Variants in SHROOM3 observed in about 807,000 individuals in gnomAD.
SHROOM3 encodes the protein shroom family member 3, also known as protein Shroom3.
SHROOM3 carries 47 observed loss-of-function variants against 138.6 expected under a neutral mutation model. The observed-to-expected ratio is 0.34, with a 90% CI of 0.27 to 0.43. The LOEUF (loss-of-function observed/expected upper bound fraction) is 0.43, where lower values mean the gene tolerates loss of function less well. Ranked by LOEUF, SHROOM3 falls within the 20% of genes least tolerant of loss-of-function variation. The probability of loss-of-function intolerance (pLI) is 1.00; values close to 1 mark genes in which losing one functional copy is unlikely to be tolerated. For missense variants in SHROOM3, 2,491 were observed against 2,596.5 expected (o/e 0.96, Z 0.88); for synonymous variants, 1,062 against 1,063.3 (o/e 1.00, Z 0.02).
intron 2 of SHROOM3, among the ~76,000 whole-genome samples, chr4:76,667,563 C>T (rs537257812): frequency 9.2e-5 from 14 of 152,098 alleles, no homozygotes; most frequent in African/African-American, 2.7e-4. Context: ...ATCCTTCCTC[C>T]TCAGCCTCCC....
intron 1 of SHROOM3, among the ~76,000 whole-genome samples, chr4:76,486,027 G>T (rs886849746): frequency 6.6e-6 from 1 of 151,548 alleles, no homozygotes; most frequent in Admixed American, 6.6e-5. Flanking sequence ...TATTTTTTGC[G>T]TTTTTCAATC....
intron 2 of SHROOM3, among the ~76,000 whole-genome samples, chr4:76,670,738 G>C (rs955595188): frequency 6.6e-6 from 1 of 152,114 alleles, no homozygotes; most frequent in African/African-American, 2.4e-5. Flanking sequence ...TGGATCACTT[G>C]AGCTCAGGAA....
chr4:76,738,848 C>T lies in SHROOM3; in HGVS notation c.675C>T (p.Ser225=), dbSNP rs757246509. 1.2e-6 allele frequency: 2 copies of T among 1,614,176 alleles called. No individual in the cohort carries two copies. Among genetic ancestry groups the T allele is most frequent in the Non-Finnish European group, 1.7e-6 (2 of 1,179,974 alleles). ...GCAGCTCCCAGGGGAGCATGGAGAG[C>T]CTGGAGCCCAGTGGGGCATACCCAC... ...DQCSSQGSME[S]LEPSGAYPPC... The change falls in exon 5 of 11, where the codon AGC becomes AGT. Residue 225 remains serine (S), a synonymous_variant. Transcript: ENST00000296043.
chr4:76,609,103 A>G (rs1199611032), intron 2 of SHROOM3, among the ~76,000 whole-genome samples: 3 of 152,242 alleles, frequency 2.0e-5, no homozygotes, highest in African/African-American at 7.2e-5. Context: ...TACAATTAAC[A>G]AGAACACTTC....
At chr4:76,524,104 A>G (rs1299939733) in intron 1 of SHROOM3, among the ~76,000 whole-genome samples, 1 of 152,216 alleles carries the variant, frequency 6.6e-6, no homozygotes, top group Non-Finnish European at 1.5e-5. Flanking sequence ...AAGAGAGTGC[A>G]ATAGTTAGCA....
chr4:76,698,806 T>G (rs1394937906), intron 2 of SHROOM3, among the ~76,000 whole-genome samples: 1 of 152,218 alleles, frequency 6.6e-6, no homozygotes, highest in Non-Finnish European at 1.5e-5. Flanking sequence ...TGAGGAGCCC[T>G]TTCTTTCACA....
intron 2 of SHROOM3, among the ~76,000 whole-genome samples, chr4:76,596,287 C>G (rs1172749069): frequency 6.6e-6 from 1 of 152,106 alleles, no homozygotes; most frequent in African/African-American, 2.4e-5. Context: ...TGGCTTGTGC[C>G]TATGATCCCA....
intron 1 of SHROOM3, among the ~76,000 whole-genome samples, chr4:76,488,213 G>A (rs773885057): frequency 5.3e-5 from 8 of 152,062 alleles, no homozygotes; most frequent in Non-Finnish European, 1.0e-4. Flanking sequence ...ACAGACTAAG[G>A]ACCATCAGAA....
At chr4:76,692,338 T>TC (rs1181621958) in intron 2 of SHROOM3, among the ~76,000 whole-genome samples, 1 of 152,186 alleles carries the variant, frequency 6.6e-6, no homozygotes, top group Non-Finnish European at 1.5e-5. Context: ...GTGGGAGGCA[T>TC]CCCAGGAACT....
At chr4:76,619,211 G>A (rs891141241) in intron 2 of SHROOM3, among the ~76,000 whole-genome samples, 8 of 152,044 alleles carry the variant, frequency 5.3e-5, no homozygotes, top group Admixed American at 2.0e-4. Flanking sequence ...TGTGATTTTT[G>A]AAGAATATAA....
At chr4:76,606,200 G>C (rs1052163158) in intron 2 of SHROOM3, among the ~76,000 whole-genome samples, 7 of 149,288 alleles carry the variant, frequency 4.7e-5, no homozygotes, top group Non-Finnish European at 8.9e-5. Flanking sequence ...TTTTAGTAGA[G>C]ACAGGGTTTC....
intron 2 of SHROOM3, among the ~76,000 whole-genome samples, chr4:76,614,895 G>T (rs1158448200): frequency 6.6e-6 from 1 of 152,176 alleles, no homozygotes; most frequent in East Asian, 1.9e-4. Flanking sequence ...CCTGAATAAG[G>T]CATTTGAGAT....
chr4:76,747,563 C>T (rs148043741), intron 5 of SHROOM3, among the ~76,000 whole-genome samples: 50 of 152,162 alleles, frequency 3.3e-4, no homozygotes, highest in East Asian at 1.2e-3. Context: ...ATTGTCAAAA[C>T]GAAATGCAAA....
At chr4:76,511,512 G>C (rs1205989471) in intron 1 of SHROOM3, among the ~76,000 whole-genome samples, 1 of 152,042 alleles carries the variant, frequency 6.6e-6, no homozygotes, top group African/African-American at 2.4e-5. Flanking sequence ...TTTCTCCAAG[G>C]CTTTTTCTAT....
intron 3 of SHROOM3, among the ~76,000 whole-genome samples, chr4:76,720,151 G>GTTTTTTTTTTTTTTTTTTT (rs59839066): frequency 1.2e-5 from 1 of 82,998 alleles, no homozygotes; most frequent in Non-Finnish European, 2.2e-5. Context: ...TGTTTTTTAG[G>GTTTTTTTTTTTTTTTTTTT]TTTTTTTTTT....
chr4:76,633,673 A>G (rs995326869), intron 2 of SHROOM3, among the ~76,000 whole-genome samples: 4 of 131,078 alleles, frequency 3.1e-5, no homozygotes, highest in Non-Finnish European at 4.9e-5. Flanking sequence ...AAAAAAAAAA[A>G]AAAAAGAAAA....
Position 76,657,203 on chromosome 4 carries a change from C to CTA in SHROOM3, c.324-52940_324-52939dup, listed in dbSNP as rs3045187. The stretch of plus-strand genomic sequence containing the variant: ...TCTCTCTCTCTCGCTCTCTCTCTCT[C>CTA]TATATATATATATACACATATTCAT... On this transcript the variant is annotated intron_variant, in intron 2 of 10. Coordinates refer to ENST00000296043, the MANE Select transcript of SHROOM3 (RefSeq NM_020859.4). Among the ~76,000 whole-genome samples the CTA allele has an allele frequency of 5.6e-3, 844 of 151,108 alleles. 6 individuals carry two copies. The highest frequency in any genetic ancestry group is 0.018 in the African/African-American group (754 of 41,282).
intron 2 of SHROOM3, among the ~76,000 whole-genome samples, chr4:76,698,564 C>G (rs894852737): frequency 2.0e-5 from 3 of 152,178 alleles, no homozygotes; most frequent in African/African-American, 7.2e-5. Flanking sequence ...CCTTCCTGAG[C>G]CAGAGTCCCT....
At position 76,782,877 on chromosome 4, in the gene SHROOM3, TA is replaced by T. The variant is rs1722768985; in HGVS notation, c.*3702del. 1 of 152,230 alleles carries T rather than the reference TA, an allele frequency of 6.6e-6. No individual in the cohort carries two copies. The highest frequency in any genetic ancestry group is 2.1e-4 in the South Asian group (1 of 4,828). 9.4% of individuals were successfully genotyped at this position (152,230 alleles called of 1,614,324 possible). A position where few individuals can be genotyped will look rare whatever the true frequency, so the allele number is the denominator to read the frequency against. On this transcript the variant is annotated 3_prime_UTR_variant, in exon 11 of 11. Transcript: ENST00000296043. ...TAGGATAAAATGATAAAGACCATTT[TA>T]ATATCAGAAAGGGTTGTCTTATTAA...
Sources: allele counts gnomAD v4.1 joint callset (sites outside exome capture counted in the v4.1 genomes callset), GRCh38; gene constraint gnomAD v4.1.1; transcripts MANE v1.5; gene names NCBI Gene and HGNC (gene_info 2026-07-23, HGNC 2026-07-21).